DGKI: variants seen among roughly 807,000 people sequenced by gnomAD.
The protein encoded by DGKI is diacylglycerol kinase iota.
In DGKI, 55 loss-of-function variants were observed where a neutral mutation model predicts 147.5. That is an observed-to-expected ratio of 0.37 (90% confidence interval 0.30 to 0.47). The LOEUF is 0.47. Ranked by LOEUF, DGKI falls within the 20% of genes least tolerant of loss-of-function variation. The pLI is 1.00. For missense variants in DGKI, 1,007 were observed against 1,323.8 expected, an observed-to-expected ratio of 0.76 and a Z score of 3.71; for synonymous variants, 469 against 477.1, an observed-to-expected ratio of 0.98 and a Z score of 0.22.
intron 1 of DGKI, among the ~76,000 whole-genome samples, chr7:137,712,991 A>G (rs1794262110): frequency 6.6e-6 from 1 of 152,204 alleles, no homozygotes; most frequent in African/African-American, 2.4e-5. Context: ...ACAAAGATCT[A>G]GACAAAACAC....
chr7:137,618,151 A>ATATATATATATATATATATATATATTTTT, intron 8 of DGKI, among the ~76,000 whole-genome samples: 12 of 10,458 alleles, frequency 1.1e-3, no homozygotes, highest in South Asian at 0.043. Flanking sequence ...ATATATATAT[A>ATATATATATATATATATATATATATTTTT]TTTTTTTTTT....
rs192368193 is a variant in DGKI at position 137,415,001 on chromosome 7, T to C, written c.2762-2794A>G. On this transcript the variant is annotated intron_variant, in intron 28 of 32. Coordinates refer to ENST00000614521, the MANE Select transcript of DGKI (RefSeq NM_001321708.2). ...GTTTTCAGTATTTTGTGACTGCACA[T>C]AAGTACATGAAAAAGACATATGGAC... is the stretch of plus-strand genomic sequence containing the variant. 1.4e-4 allele frequency among the ~76,000 whole-genome samples: 22 copies of C among 152,308 alleles called. No homozygotes were observed. The East Asian group carries it at 3.5e-3, about 24-fold the overall frequency.
intron 1 of DGKI, among the ~76,000 whole-genome samples, chr7:137,710,271 A>G (rs190902488): frequency 6.6e-6 from 1 of 152,258 alleles, no homozygotes; most frequent in East Asian, 1.9e-4. Context: ...AGGGAACTTG[A>G]CAAGCTAATT....
chr7:137,795,161 A>G (rs1451381193), intron 1 of DGKI, among the ~76,000 whole-genome samples: 12 of 152,234 alleles, frequency 7.9e-5, no homozygotes, highest in African/African-American at 2.9e-4. Flanking sequence ...CAAAAGGTTG[A>G]AATAAAAATG....
chr7:137,546,933 T>C (rs537699219), intron 20 of DGKI, among the ~76,000 whole-genome samples: 2 of 152,240 alleles, frequency 1.3e-5, no homozygotes, highest in Non-Finnish European at 2.9e-5. Context: ...GGAATTCGAT[T>C]GCTCAATTCA....
At chr7:137,802,521 T>C (rs1054109110) in intron 1 of DGKI, among the ~76,000 whole-genome samples, 1 of 152,220 alleles carries the variant, frequency 6.6e-6, no homozygotes, top group African/African-American at 2.4e-5. Context: ...TGTGACATTA[T>C]AATTATCACT....
At position 137,832,762 on chromosome 7, in the gene DGKI, G is replaced by A. The variant is rs114843586; in HGVS notation, c.401+13700C>T. Among the ~76,000 whole-genome samples the A allele has an allele frequency of 8.5e-3, 1,297 of 152,262 alleles. 24 individuals carry two copies. Among genetic ancestry groups the A allele is most frequent in the African/African-American group, 0.03 (1,242 of 41,536 alleles). On this transcript the variant is annotated intron_variant, in intron 1 of 32. Transcript: ENST00000614521. ...ATGGGATTTTCTTTTCCATTGCATC[G>A]TCAGGCTGCAAATTTTCTGAACTTT...
Position 137,389,099 on chromosome 7 carries a change from C to G in DGKI, c.*2121G>C, listed in dbSNP as rs1316499476. 1 of 152,092 alleles carries G rather than the reference C, an allele frequency of 6.6e-6. No homozygotes were observed. The highest frequency in any genetic ancestry group is 2.4e-5 in the African/African-American group (1 of 41,402). 9.4% of individuals were successfully genotyped at this position (152,092 alleles called of 1,614,324 possible). A position where few individuals can be genotyped will look rare whatever the true frequency, so the allele number is the denominator to read the frequency against. Reference sequence around the variant, plus strand: ...GAAGATGCCATTCAAAGCCAGATTCCAGTTTGTGTTAAGGATTATATTTCT... The same window carrying G: ...GAAGATGCCATTCAAAGCCAGATTCGAGTTTGTGTTAAGGATTATATTTCT... On this transcript the variant is annotated 3_prime_UTR_variant, in exon 33 of 33. Coordinates refer to ENST00000614521, the MANE Select transcript of DGKI (RefSeq NM_001321708.2).
At chr7:137,754,765 G>A (rs370679249) in intron 1 of DGKI, among the ~76,000 whole-genome samples, 1 of 152,172 alleles carries the variant, frequency 6.6e-6, no homozygotes, top group Non-Finnish European at 1.5e-5. Flanking sequence ...AAACGGCAGC[G>A]ATGGCAGCTT....
intron 21 of DGKI, among the ~76,000 whole-genome samples, chr7:137,515,050 T>A (rs986136852): frequency 2.0e-5 from 3 of 152,282 alleles, no homozygotes; most frequent in African/African-American, 7.2e-5. Flanking sequence ...CAGGTTCCAG[T>A]CACATGGACA....
At chr7:137,778,019 C>T (rs1332998823) in intron 1 of DGKI, among the ~76,000 whole-genome samples, 2 of 152,304 alleles carry the variant, frequency 1.3e-5, no homozygotes, top group South Asian at 2.1e-4. Flanking sequence ...GACATGGACC[C>T]TACCAAGGCG....
At chr7:137,827,758 CT>C (rs1201426366) in intron 1 of DGKI, among the ~76,000 whole-genome samples, 17 of 152,368 alleles carry the variant, frequency 1.1e-4, no homozygotes, top group Admixed American at 1.1e-3. Context: ...TTAGTGGAAC[CT>C]GTTAAAGCCT....
chr7:137,489,821 C>T (rs548920153), intron 21 of DGKI, among the ~76,000 whole-genome samples: 171 of 152,168 alleles, frequency 1.1e-3, no homozygotes, highest in African/African-American at 3.8e-3. Flanking sequence ...TTTATACATA[C>T]GCAGGAATCC....
intron 28 of DGKI, among the ~76,000 whole-genome samples, chr7:137,422,834 G>C (rs997229455): frequency 3.3e-5 from 5 of 151,874 alleles, no homozygotes; most frequent in Non-Finnish European, 7.4e-5. Context: ...TCGATCTCCT[G>C]ACCTAGTGAT....
chr7:137,766,744 G>A (rs1454402170), intron 1 of DGKI, among the ~76,000 whole-genome samples: 1 of 152,192 alleles, frequency 6.6e-6, no homozygotes, highest in Non-Finnish European at 1.5e-5. Flanking sequence ...GGCTTGCAGG[G>A]TGGTGAGGGT....
intron 1 of DGKI, among the ~76,000 whole-genome samples, chr7:137,798,480 G>A (rs915201508): frequency 1.3e-5 from 2 of 152,100 alleles, no homozygotes; most frequent in African/African-American, 2.4e-5. Flanking sequence ...GGAGTGCAGT[G>A]GCACAATCAT....
chr7:137,399,844 A>G lies in DGKI; in HGVS notation c.2921-2431T>C, dbSNP rs183254028. Among the ~76,000 whole-genome samples, 11 of 151,238 alleles carry G rather than the reference A, an allele frequency of 7.3e-5. No individual in the cohort carries two copies. The East Asian group carries it at 2.1e-3, about 30-fold the overall frequency. ...AAAATCGCTTGAATCCAGGAGGCAGAGGTTGCAGTGAGCCAAGATTGTGCT... is the reference window on the plus strand; with the variant it reads ...AAAATCGCTTGAATCCAGGAGGCAGGGGTTGCAGTGAGCCAAGATTGTGCT... On this transcript the variant is annotated intron_variant, in intron 30 of 32. Transcript: ENST00000614521.
At chr7:137,777,700 GA>G (rs1178977823) in intron 1 of DGKI, among the ~76,000 whole-genome samples, 1 of 152,142 alleles carries the variant, frequency 6.6e-6, no homozygotes, top group African/African-American at 2.4e-5. Flanking sequence ...TCTCTTTAAA[GA>G]ATTCTTCTAT....
intron 1 of DGKI, among the ~76,000 whole-genome samples, chr7:137,761,221 GCA>G (rs1480295207): frequency 6.6e-6 from 1 of 152,180 alleles, no homozygotes; most frequent in African/African-American, 2.4e-5. Context: ...GTTAAATTCT[GCA>G]AGCCCTTTGT....
Sources: allele counts gnomAD v4.1 joint callset (sites outside exome capture counted in the v4.1 genomes callset), GRCh38; gene constraint gnomAD v4.1.1; transcripts MANE v1.5; gene names NCBI Gene and HGNC (gene_info 2026-07-23, HGNC 2026-07-21).